MAPT: variants seen among roughly 807,000 people sequenced by gnomAD.
MAPT encodes the protein microtubule-associated protein tau.
Under a neutral mutation model 67.9 loss-of-function variants are expected in MAPT, and 34 were observed. The observed-to-expected ratio is 0.50, with a 90% CI of 0.38 to 0.67. The LOEUF (loss-of-function observed/expected upper bound fraction) is 0.67, where lower values mean the gene tolerates loss of function less well. Among genes scored for constraint, MAPT ranks in the 30% least tolerant of loss-of-function variants. The pLI is 0.00. For synonymous variants in MAPT, 456 were observed against 464.5 expected (o/e 0.98, Z 0.23); for missense variants, 881 against 1,115.2 (o/e 0.79, Z 2.99).
intron 1 of MAPT, among the ~76,000 whole-genome samples, chr17:45,947,383 CTTTTTTT>C (rs374326954): frequency 1.2e-3 from 162 of 138,428 alleles, no homozygotes; most frequent in African/African-American, 2.9e-3. Context: ...CTTTCTTTTT[CTTTTTTT>C]TTTTTTTTTT....
At chr17:45,997,795 G>A (rs994739068) in intron 9 of MAPT, among the ~76,000 whole-genome samples, 2 of 152,058 alleles carry the variant, frequency 1.3e-5, no homozygotes, top group Non-Finnish European at 2.9e-5. Flanking sequence ...AACCCACCAT[G>A]GCTTAGGGCC....
intron 6 of MAPT, among the ~76,000 whole-genome samples, 189 bp from the exon 7 acceptor site, chr17:45,989,689 G>A (rs1237113427): frequency 6.6e-6 from 1 of 152,160 alleles, no homozygotes; most frequent in African/African-American, 2.4e-5. Flanking sequence ...TGTGATTGGG[G>A]AGGACGGTCA....
intron 2 of MAPT, among the ~76,000 whole-genome samples, chr17:45,964,984 G>A (rs766119105): frequency 6.6e-6 from 1 of 152,152 alleles, no homozygotes; most frequent in Non-Finnish European, 1.5e-5. Context: ...TGCCCCCCTG[G>A]CAGTTGGTGC....
intron 5 of MAPT, among the ~76,000 whole-genome samples, chr17:45,986,743 C>T (rs1202763288): frequency 2.0e-5 from 3 of 152,222 alleles, no homozygotes; most frequent in African/African-American, 4.8e-5. Context: ...AGATAGCCTC[C>T]ATGCCATCAT....
At chr17:45,972,138 C>A (rs761493755) in intron 3 of MAPT, 193 bp downstream of exon 3, 12 of 696,236 alleles carry the variant, frequency 1.7e-5, no homozygotes, top group Non-Finnish European at 3.1e-5. Flanking sequence ...GTGTGGGCAC[C>A]TTCATCCCGT....
intron 1 of MAPT, among the ~76,000 whole-genome samples, chr17:45,904,329 T>TTATATCTATATA: frequency 1.6e-5 from 1 of 62,232 alleles, no homozygotes; most frequent in South Asian, 3.7e-4. Flanking sequence ...ATAATATATA[T>TTATATCTATATA]TATATATTAT....
intron 1 of MAPT, among the ~76,000 whole-genome samples, chr17:45,912,845 T>G (rs1180631886): frequency 6.6e-6 from 1 of 152,192 alleles, no homozygotes; most frequent in Non-Finnish European, 1.5e-5. Flanking sequence ...GAAAGAGGCT[T>G]TTGAAATTTG....
At chr17:45,909,154 C>T (rs2064558182) in intron 1 of MAPT, among the ~76,000 whole-genome samples, 1 of 152,016 alleles carries the variant, frequency 6.6e-6, no homozygotes, top group South Asian at 2.1e-4. Context: ...CGCCATTGGG[C>T]AGCCCAGGGC....
chr17:45,941,032 G>A (rs745421587), intron 1 of MAPT, among the ~76,000 whole-genome samples: 3 of 152,108 alleles, frequency 2.0e-5, no homozygotes, highest in Non-Finnish European at 2.9e-5. Flanking sequence ...GGAGTTCCTC[G>A]AGTCAATTGC....
chr17:45,996,122 G>C lies in MAPT; in HGVS notation c.1733-277G>C, dbSNP rs555005196. On this transcript the variant is annotated intron_variant, in intron 8 of 12. Coordinates refer to ENST00000262410, the MANE Select transcript of MAPT (RefSeq NM_001377265.1). This position sits in a 1 kb window ranked among gnomAD's most constrained non-coding sequence, Gnocchi z 4.5. ...CTCTTGACCCAAAGACTGTGGAGCC[G>C]AGTTGGCCACCTCTCTGGGAGCGGG... Among the ~76,000 whole-genome samples, 1 of 152,170 alleles carries C rather than the reference G, an allele frequency of 6.6e-6. No individual in the cohort carries two copies. Among genetic ancestry groups the C allele is most frequent in the East Asian group, 1.9e-4 (1 of 5,200 alleles).
chr17:46,012,043 C>T (rs912781923), intron 10 of MAPT, among the ~76,000 whole-genome samples: 2 of 152,204 alleles, frequency 1.3e-5, no homozygotes, highest in Non-Finnish European at 2.9e-5. Context: ...CACCCCTGCC[C>T]GGGCCCTTGT....
At chr17:45,899,027 G>T (rs1343247127) in intron 1 of MAPT, among the ~76,000 whole-genome samples, 1 of 152,140 alleles carries the variant, frequency 6.6e-6, no homozygotes, top group Non-Finnish European at 1.5e-5. Flanking sequence ...CTAGTGACAT[G>T]GAGCTGGCGT....
chr17:45,911,682 T>C (rs2064804363), intron 1 of MAPT, among the ~76,000 whole-genome samples: 1 of 152,122 alleles, frequency 6.6e-6, no homozygotes, highest in African/African-American at 2.4e-5. Context: ...GAGGATCACT[T>C]GAGCCCAGGA....
chr17:45,992,107 T>G (rs2074105662), intron 8 of MAPT, among the ~76,000 whole-genome samples: 5 of 151,004 alleles, frequency 3.3e-5, no homozygotes, highest in Admixed American at 3.3e-4. Context: ...TTTTTATCAA[T>G]GAAGAAATTG....
rs1568207299 is a variant in MAPT, at chr17:45,941,673, C to CCTTCCTT, written c.-17-20647_-17-20646insTTCCTTC. On this transcript the variant is annotated intron_variant, in intron 1 of 12. Transcript: ENST00000262410. ...CCCCTTCCACCCTTCCCCCCTTCCC[C>CCTTCCTT]CCTTCCCTCCTTCCTTCCTTCCTTC... 1.3e-3 allele frequency among the ~76,000 whole-genome samples: 37 copies of CCTTCCTT among 28,502 alleles called. 1 individual carries two copies. The highest frequency in any genetic ancestry group is 3.0e-3 in the African/African-American group (28 of 9,292). 18.7% of individuals were successfully genotyped at this position (28,502 alleles called of 152,430 possible).
At position 46,023,860 on chromosome 17, in the gene MAPT, T is replaced by C. The variant is rs184805232; in HGVS notation, c.2287-96T>C. The C allele has an allele frequency of 3.8e-4, 385 of 1,009,908 alleles. 2 individuals carry two copies. The African/African-American group carries it at 5.2e-3, about 14-fold the overall frequency. 62.6% of individuals were successfully genotyped at this position (1,009,908 alleles called of 1,614,324 possible). On this transcript the variant is annotated intron_variant, in intron 12 of 12. Transcript: ENST00000262410. ...TGTCTCAAAAACAAACAAAAAACAGTCCCTGGCACTCTGGGCCAGGCCTGG... is the reference window on the plus strand; with the variant it reads ...TGTCTCAAAAACAAACAAAAAACAGCCCCTGGCACTCTGGGCCAGGCCTGG...
intron 8 of MAPT, among the ~76,000 whole-genome samples, chr17:45,992,504 C>T (rs754626708): frequency 1.3e-5 from 2 of 152,192 alleles, no homozygotes; most frequent in African/African-American, 2.4e-5. Flanking sequence ...AGGCTGGGCC[C>T]GTTGCCCTGG....
intron 12 of MAPT, among the ~76,000 whole-genome samples, chr17:46,019,830 G>A (rs1170968115): frequency 6.6e-6 from 1 of 151,530 alleles, no homozygotes; most frequent in Non-Finnish European, 1.5e-5. Flanking sequence ...TGGCCAACAT[G>A]GTAAAACCCC....
At chr17:46,011,589 C>T (rs981228963) in intron 10 of MAPT, among the ~76,000 whole-genome samples, 1 of 152,232 alleles carries the variant, frequency 6.6e-6, no homozygotes, top group African/African-American at 2.4e-5. Flanking sequence ...ACCCGAGGCT[C>T]CTCTCCCACC....
Sources: gnomAD v4.1 joint callset for allele counts (sites outside exome capture counted in the v4.1 genomes callset) on GRCh38, gnomAD v4.1.1 for gene constraint, Gnocchi (gnomAD v3.1) non-coding constraint, MANE v1.5 for transcripts, NCBI Gene and HGNC (gene_info 2026-07-23, HGNC 2026-07-21) for gene names.